EPB41L2: variants seen among roughly 807,000 people sequenced by gnomAD.
EPB41L2 encodes erythrocyte membrane protein band 4.1 like 2, also known as band 4.1-like protein 2.
Under a neutral mutation model 113.0 loss-of-function variants are expected in EPB41L2, and 43 were observed. The ratio of observed to expected loss-of-function variants is 0.38; its 90% CI spans 0.30 to 0.49. The LOEUF (loss-of-function observed/expected upper bound fraction) is 0.49. Ranked by LOEUF, EPB41L2 falls within the 20% of genes least tolerant of loss-of-function variation. The pLI is 0.95. For missense variants in EPB41L2, 1,147 were observed against 1,223.4 expected (o/e 0.94, Z 0.93); for synonymous variants, 442 against 436.7 (o/e 1.01, Z -0.15).
At chr6:130,858,411 C>T in intron 18 of EPB41L2, 168 bp from the exon 19 acceptor site, 1 of 521,164 alleles carries the variant, frequency 1.9e-6, no homozygotes. Context: ...TGTCATTTTA[C>T]AGACTGCTTC....
intron 19 of EPB41L2, among the ~76,000 whole-genome samples, chr6:130,845,804 T>C (rs1776877832): frequency 6.6e-6 from 1 of 152,100 alleles, no homozygotes; most frequent in African/African-American, 2.4e-5. Flanking sequence ...GAGTGCATCT[T>C]TTTAATATTC....
At chr6:130,896,997 A>C (rs1009336024) in intron 8 of EPB41L2, among the ~76,000 whole-genome samples, 1 of 152,040 alleles carries the variant, frequency 6.6e-6, no homozygotes, top group African/African-American at 2.4e-5. Context: ...GGCTCCCCAC[A>C]AGACGGCCCT....
chr6:131,032,412 G>A (rs1029341308), intron 1 of EPB41L2, among the ~76,000 whole-genome samples: 1 of 151,828 alleles, frequency 6.6e-6, no homozygotes. Context: ...TTAAAAACTC[G>A]CTTGCACAGA....
intron 12 of EPB41L2, chr6:130,882,445 C>T (rs1789617445): frequency 6.6e-6 from 1 of 152,604 alleles, no homozygotes; most frequent in South Asian, 2.1e-4. Flanking sequence ...CACATTTACA[C>T]TCTATATTAG....
At chr6:130,856,876 T>C (rs1780403731) in intron 19 of EPB41L2, among the ~76,000 whole-genome samples, 1 of 152,000 alleles carries the variant, frequency 6.6e-6, no homozygotes, top group Non-Finnish European at 1.5e-5. Context: ...CTTGACCATT[T>C]AGATTATTTC....
rs138944177 is a variant in EPB41L2, at chr6:130,956,134, G to C, written c.352C>G (p.Leu118Val). 38 of 1,613,984 alleles carry C rather than the reference G, an allele frequency of 2.4e-5. No homozygotes were observed. The African/African-American group carries it at 4.8e-4, about 20-fold the overall frequency. The change falls in exon 2 of 20, where the codon CTT becomes GTT. Residue 118 changes from leucine to valine, a missense_variant. Coordinates refer to ENST00000337057, the MANE Select transcript of EPB41L2 (RefSeq NM_001431.4). ...TTAGCCTGTCTCTGTTCTTCTGGAA[G>C]GGGTTCCTCTTTATCTAAGACCTGT... Reference protein sequence around the residue: ...EEQVLDKEEPLPEEQRQAKGD... With the variant: ...EEQVLDKEEPVPEEQRQAKGD...
At chr6:130,850,479 C>T (rs186608935) in intron 19 of EPB41L2, among the ~76,000 whole-genome samples, 1 of 152,142 alleles carries the variant, frequency 6.6e-6, no homozygotes, top group African/African-American at 2.4e-5. Context: ...CGACAAGGAC[C>T]AATAACTATA....
At chr6:130,911,974 G>A (rs1357469177) in intron 4 of EPB41L2, among the ~76,000 whole-genome samples, 2 of 152,184 alleles carry the variant, frequency 1.3e-5, no homozygotes, top group Non-Finnish European at 2.9e-5. Context: ...GACGTGAACA[G>A]CAGGTAAGTG....
chr6:130,947,221 T>C (rs1813237518), intron 3 of EPB41L2, among the ~76,000 whole-genome samples: 1 of 152,028 alleles, frequency 6.6e-6, no homozygotes, highest in African/African-American at 2.4e-5. Flanking sequence ...CTCACCCTAC[T>C]CTCTATAAGA....
intron 3 of EPB41L2, among the ~76,000 whole-genome samples, chr6:130,954,198 G>T (rs1338372865): frequency 6.6e-6 from 1 of 150,862 alleles, no homozygotes; most frequent in South Asian, 2.1e-4. Context: ...GAATACTGGC[G>T]CCCGCCACTA....
At chr6:130,947,025 C>T (rs567872528) in intron 3 of EPB41L2, among the ~76,000 whole-genome samples, 2 of 145,774 alleles carry the variant, frequency 1.4e-5, no homozygotes, top group South Asian at 2.3e-4. Flanking sequence ...AGACCCCCCC[C>T]CCAGCCCCTT....
In EPB41L2 at chr6:130,869,982, TCACAGGCTC is replaced by T; in HGVS notation, c.2179_2187del (p.Glu727_Val729del). 6.2e-7 allele frequency: 1 copy of T among 1,613,846 alleles called. No homozygotes were observed. Among genetic ancestry groups the T allele is most frequent in the Non-Finnish European group, 8.5e-7 (1 of 1,180,026 alleles). On this transcript the variant is annotated inframe_deletion, in exon 15 of 20. Coordinates refer to ENST00000337057, the MANE Select transcript of EPB41L2 (RefSeq NM_001431.4). Reference sequence around the variant, plus strand: ...GACAGGGAGGTGGAGTCTTTTTGTGTCACAGGCTCCACCTTACGAATCTCCCCAGGACCA... The same window carrying T: ...GACAGGGAGGTGGAGTCTTTTTGTGTCACCTTACGAATCTCCCCAGGACCA...
chr6:130,854,486 GT>G (rs1184156731), intron 19 of EPB41L2, among the ~76,000 whole-genome samples: 5 of 152,092 alleles, frequency 3.3e-5, no homozygotes, highest in Admixed American at 6.5e-5. Context: ...GTGTCTGTGT[GT>G]GTCCATTGTA....
At position 130,863,685 on chromosome 6, in the gene EPB41L2, CAATTCTTGTTTCAGA is replaced by C; in HGVS notation, c.2848_2862del (p.Ser950_Ile954del). 1.2e-6 allele frequency: 2 copies of C among 1,613,694 alleles called. No individual in the cohort carries two copies. Among genetic ancestry groups the C allele is most frequent in the Non-Finnish European group, 1.7e-6 (2 of 1,179,634 alleles). On this transcript the variant is annotated inframe_deletion, in exon 18 of 20. Coordinates refer to ENST00000337057, the MANE Select transcript of EPB41L2 (RefSeq NM_001431.4). ...TCTCCTGTGATCACAATGCGTTTCT[CAATTCTTGTTTCAGA>C]AATTCCACCTTTTACAGTCTAAAGG...
chr6:131,029,883 G>A (rs961383373), intron 1 of EPB41L2, among the ~76,000 whole-genome samples: 2 of 137,980 alleles, frequency 1.4e-5, no homozygotes, highest in African/African-American at 2.8e-5. Context: ...ATCCTCAAGG[G>A]AGGATTTTTC....
At chr6:130,957,669 A>C (rs1454925367) in intron 1 of EPB41L2, among the ~76,000 whole-genome samples, 1 of 150,026 alleles carries the variant, frequency 6.7e-6, no homozygotes, top group African/African-American at 2.5e-5. Flanking sequence ...TAAGTGGTAC[A>C]AACTTGAATA....
Position 130,870,039 on chromosome 6 carries a change from C to G in EPB41L2, c.2131G>C (p.Gly711Arg), listed in dbSNP as rs1437723191. 4 of 1,613,818 alleles carry G rather than the reference C, an allele frequency of 2.5e-6. No homozygotes were observed. Among genetic ancestry groups the G allele is most frequent in the Non-Finnish European group, 3.4e-6 (4 of 1,179,988 alleles). Residue 711 changes from glycine (G) to arginine (R), a missense_variant, in exon 15 of 20, where the codon GGT becomes CGT. Transcript: ENST00000337057. ...DERVITEEMN[G>R]KEISPGSGPG... ...CCACTCCCAGGTGATATCTCTTTAC[C>G]ATTCATTTCTTCTGTGATTACTCTT...
chr6:131,039,996 G>C (rs35273150), intron 1 of EPB41L2, among the ~76,000 whole-genome samples: 18,298 of 152,184 alleles, frequency 0.12, 1,252 homozygotes, highest in Admixed American at 0.15. Flanking sequence ...ATTTTGCTCA[G>C]AAAATTGCAA....
Position 130,954,040 on chromosome 6 carries a change from C to CTTTCTTTTT in EPB41L2, c.705+1064_705+1065insAAAAAGAAA, listed in dbSNP as rs1816373036. ...TCCTCTTTTGCTAGTCCTTTTCTTTCTTTTTTTTTTTTTTTTTTTTTTTTT... is the reference window on the plus strand; with the variant it reads ...TCCTCTTTTGCTAGTCCTTTTCTTTCTTTCTTTTTTTTTTTTTTTTTTTTTTTTTTTTTT... On this transcript the variant is annotated intron_variant, in intron 3 of 19. Transcript: ENST00000337057. Among the ~76,000 whole-genome samples, 183 of 58,830 alleles carry CTTTCTTTTT rather than the reference C, an allele frequency of 3.1e-3. 13 individuals carry two copies. The highest frequency in any genetic ancestry group is 5.4e-3 in the Non-Finnish European group (162 of 30,192). The allele number at this position is 58,830 out of a possible 152,430, so 38.6% of individuals were successfully genotyped here.
Sources: allele counts gnomAD v4.1 joint callset (sites outside exome capture counted in the v4.1 genomes callset), GRCh38; gene constraint gnomAD v4.1.1; transcripts MANE v1.5; gene names NCBI Gene and HGNC (gene_info 2026-07-23, HGNC 2026-07-21).